The following TBC1D14 variants were observed in gnomAD, a reference collection of about 807,000 sequenced individuals.
The protein encoded by TBC1D14 is TBC1 domain family member 14.
In TBC1D14, 26 loss-of-function variants were observed where a neutral mutation model predicts 79.0. The observed-to-expected ratio is 0.33, with a 90% CI of 0.24 to 0.46. The LOEUF is 0.46. TBC1D14 is among the 20% of genes least tolerant of loss of function. TBC1D14 has a pLI of 1.00. For synonymous variants in TBC1D14, 394 were observed against 349.9 expected (o/e 1.13, Z -1.40); for missense variants, 769 against 887.6 (o/e 0.87, Z 1.70).
intron 1 of TBC1D14, among the ~76,000 whole-genome samples, chr4:6,911,429 A>G (rs1212150830): frequency 1.3e-5 from 2 of 152,174 alleles, no homozygotes; most frequent in African/African-American, 2.4e-5. Flanking sequence ...GGCTCTGCTC[A>G]CCTCGGTATC....
intron 2 of TBC1D14, among the ~76,000 whole-genome samples, chr4:6,943,064 C>T (rs1294738171): frequency 3.9e-5 from 6 of 152,260 alleles, no homozygotes; most frequent in Admixed American, 3.3e-4. Flanking sequence ...AGGTTCCTTC[C>T]GTCCTGTGGC....
chr4:6,958,540 C>T (rs1022887050), intron 2 of TBC1D14, among the ~76,000 whole-genome samples: 1 of 152,160 alleles, frequency 6.6e-6, no homozygotes, highest in Non-Finnish European at 1.5e-5. Flanking sequence ...GCGATTCCCC[C>T]CACTTCAGCC....
chr4:6,990,170 C>T (rs1464475338), intron 3 of TBC1D14, among the ~76,000 whole-genome samples: 1 of 152,210 alleles, frequency 6.6e-6, no homozygotes, highest in Non-Finnish European at 1.5e-5. Flanking sequence ...CTTCTGGGGG[C>T]TGGGTGCAGT....
intron 12 of TBC1D14, among the ~76,000 whole-genome samples, chr4:7,014,801 A>C (rs1342778968): frequency 6.6e-6 from 1 of 152,194 alleles, no homozygotes; most frequent in Admixed American, 6.5e-5. Context: ...CCATTCCTTA[A>C]AGGACCCGTC....
At chr4:7,010,540 C>A in intron 10 of TBC1D14, 113 bp from the exon 11 acceptor site, 2 of 1,339,488 alleles carry the variant, frequency 1.5e-6, no homozygotes, top group Non-Finnish European at 1.0e-6. Flanking sequence ...AGTGGGGCGG[C>A]TCTAGGGACA....
Position 6,993,261 on chromosome 4 carries a change from A to G in TBC1D14, c.844-923A>G, listed in dbSNP as rs1378105802. On this transcript the variant is annotated intron_variant, in intron 3 of 13. Coordinates refer to ENST00000409757, the MANE Select transcript of TBC1D14 (RefSeq NM_020773.3). Reference sequence around the variant, plus strand: ...AATATTTCCTTAATTATCTATAATCATCTTAAATGATTGTGTTTTTTGATT... The same window carrying G: ...AATATTTCCTTAATTATCTATAATCGTCTTAAATGATTGTGTTTTTTGATT... Among the ~76,000 whole-genome samples the G allele has an allele frequency of 2.0e-5, 3 of 152,216 alleles. No individual in the cohort carries two copies. In the East Asian group the frequency reaches 5.8e-4, roughly 29 times the overall value.
intron 9 of TBC1D14, among the ~76,000 whole-genome samples, chr4:7,009,269 T>C (rs966529046): frequency 6.6e-6 from 1 of 152,228 alleles, no homozygotes; most frequent in Non-Finnish European, 1.5e-5. Flanking sequence ...TCTTCTGTGC[T>C]CCATTGGGGA....
intron 2 of TBC1D14, among the ~76,000 whole-genome samples, chr4:6,938,037 C>T (rs903472394): frequency 1.3e-5 from 2 of 152,064 alleles, no homozygotes; most frequent in Admixed American, 6.5e-5. Flanking sequence ...CCACTCCTCC[C>T]GGGTGCTGGG....
intron 11 of TBC1D14, 112 bp downstream of exon 11, chr4:7,010,893 G>C (rs1720696138): frequency 7.6e-7 from 1 of 1,318,486 alleles, no homozygotes; most frequent in Non-Finnish European, 1.0e-6. Context: ...TCTGTGAAGA[G>C]ATGTTTAGAG....
chr4:7,016,963 A>C (rs1721348566), intron 12 of TBC1D14, among the ~76,000 whole-genome samples: 1 of 151,922 alleles, frequency 6.6e-6, no homozygotes, highest in South Asian at 2.1e-4. Context: ...CCTTGGAACA[A>C]CCTCTCCAAG....
At chr4:6,922,102 G>C (rs936602414) in intron 1 of TBC1D14, among the ~76,000 whole-genome samples, 1 of 152,078 alleles carries the variant, frequency 6.6e-6, no homozygotes, top group Non-Finnish European at 1.5e-5. Context: ...ACCCAGGCCA[G>C]AGTGCGGTGG....
At chr4:6,987,267 C>CGGGAGGGA (rs1000345297) in intron 3 of TBC1D14, 5 of 1,303,228 alleles carry the variant, frequency 3.8e-6, no homozygotes, top group Admixed American at 3.9e-5. Context: ...GCCCGCGGTC[C>CGGGAGGGA]GGGAGGGAGG....
chr4:6,916,249 CT>C (rs1723391638), intron 1 of TBC1D14, among the ~76,000 whole-genome samples: 2 of 152,174 alleles, frequency 1.3e-5, no homozygotes, highest in African/African-American at 4.8e-5. Context: ...GTGGTGCCCC[CT>C]TGCCATTGGG....
rs1285016334 is a variant in TBC1D14, at chr4:6,999,143, A to G, written c.1104A>G (p.Glu368=). 2 of 1,614,188 alleles carry G rather than the reference A, an allele frequency of 1.2e-6. No individual in the cohort carries two copies. The highest frequency in any genetic ancestry group is 2.2e-5 in the South Asian group (2 of 91,082). ...TGGAAGAAAGATGCAGAGTCGAGGAAAGCATTGGAAACGCTGTGCTCACCT... is the reference window on the plus strand; with the variant it reads ...TGGAAGAAAGATGCAGAGTCGAGGAGAGCATTGGAAACGCTGTGCTCACCT... ...KQLEERCRVE[E]SIGNAVLTWN... Residue 368 remains glutamate (E), a synonymous_variant, in exon 6 of 14, where the codon GAA becomes GAG. Transcript: ENST00000409757.
intron 1 of TBC1D14, chr4:6,910,519 C>T (rs1256843327): frequency 2.0e-5 from 3 of 152,342 alleles, no homozygotes; most frequent in Non-Finnish European, 4.4e-5. Context: ...ATCTCTCTGC[C>T]TCCGCCTTGG....
At chr4:6,990,903 A>AG (rs11379401) in intron 3 of TBC1D14, among the ~76,000 whole-genome samples, 37,639 of 152,118 alleles carry the variant, frequency 0.25, 5,300 homozygotes, top group African/African-American at 0.38. Flanking sequence ...TTCTTTCTCC[A>AG]GTGCTGTTTC....
Position 6,924,060 on chromosome 4 carries a change from AG to A in TBC1D14, c.673del (p.Glu225ArgfsTer5). 1 of 1,613,970 alleles carries A rather than the reference AG, an allele frequency of 6.2e-7. No homozygotes were observed. Among genetic ancestry groups the A allele is most frequent in the Non-Finnish European group, 8.5e-7 (1 of 1,180,016 alleles). ...CAGCAGGACTGTGTTCATGAAGCTGAGGAGGGGAGTAAATTGAAAATATTGG... is the reference window on the plus strand; with the variant it reads ...CAGCAGGACTGTGTTCATGAAGCTGAGAGGGGAGTAAATTGAAAATATTGG... ...LHQQDCVHEA[E>X]EGSKLKILGP... On this transcript the variant is annotated frameshift_variant, in exon 2 of 14. Transcript: ENST00000409757. LOFTEE classifies it high-confidence loss of function.
chr4:7,024,866 T>G, intron 12 of TBC1D14, 138 bp from the exon 13 acceptor site: 2 of 1,112,160 alleles, frequency 1.8e-6, no homozygotes, highest in Admixed American at 4.0e-5. Flanking sequence ...TCAGTGTGAG[T>G]GCAGGCCTGG....
At chr4:7,022,656 C>G (rs1317555259) in intron 12 of TBC1D14, among the ~76,000 whole-genome samples, 1 of 151,956 alleles carries the variant, frequency 6.6e-6, no homozygotes, top group Non-Finnish European at 1.5e-5. Context: ...GAGGTGGAAG[C>G]TCATGGGATT....
Sources: gnomAD v4.1 joint callset for allele counts (sites outside exome capture counted in the v4.1 genomes callset) on GRCh38, gnomAD v4.1.1 for gene constraint, MANE v1.5 for transcripts, NCBI Gene and HGNC (gene_info 2026-07-23, HGNC 2026-07-21) for gene names.